Variants in CUL3 observed in about 807,000 individuals in gnomAD.
CUL3 encodes the protein cullin-3.
A neutral mutation model predicts 89.1 loss-of-function variants in CUL3; 19 were observed. The ratio of observed to expected loss-of-function variants is 0.21; its 90% CI spans 0.15 to 0.31. The LOEUF (loss-of-function observed/expected upper bound fraction) is 0.31. Ranked by LOEUF, CUL3 falls within the 10% of genes least tolerant of loss-of-function variation. The probability of loss-of-function intolerance (pLI) is 1.00; values close to 1 mark genes in which losing one functional copy is unlikely to be tolerated. For synonymous variants in CUL3, 351 were observed against 308.4 expected, an observed-to-expected ratio of 1.14 and a Z score of -1.45; for missense variants, 469 against 942.3, an observed-to-expected ratio of 0.50 and a Z score of 6.58.
chr2:224,536,442 A>G (rs1693902946), intron 2 of CUL3, among the ~76,000 whole-genome samples: 1 of 152,166 alleles, frequency 6.6e-6, no homozygotes, highest in Non-Finnish European at 1.5e-5. Flanking sequence ...AGCATTCATC[A>G]TTACCTACTA....
At chr2:224,560,668 ATC>A (rs1379339931) in intron 1 of CUL3, 1 of 152,470 alleles carries the variant, frequency 6.6e-6, no homozygotes, top group African/African-American at 2.4e-5. Flanking sequence ...CACTGCTACT[ATC>A]CTGGTAAAAC....
intron 14 of CUL3, 61 bp from the exon 15 acceptor site, chr2:224,478,406 G>A (rs1266859629): frequency 8.5e-6 from 13 of 1,523,722 alleles, no homozygotes; most frequent in Non-Finnish European, 1.2e-5. Flanking sequence ...TTATAAGCAA[G>A]CTTATTATAA....
Position 224,510,946 on chromosome 2 carries a change from T to C in CUL3, c.883+408A>G, listed in dbSNP as rs903054490. ...GTCACAACTAAATCCCAAAGGAAAG[T>C]CTACAAAAATCTTAAGGTGGAAACT... is the stretch of plus-strand genomic sequence containing the variant. On this transcript the variant is annotated intron_variant, in intron 6 of 15. Coordinates refer to ENST00000264414, the MANE Select transcript of CUL3 (RefSeq NM_003590.5). Among the ~76,000 whole-genome samples, 5 of 152,240 alleles carry C rather than the reference T, an allele frequency of 3.3e-5. No individual in the cohort carries two copies. The South Asian group carries it at 1.0e-3, about 32-fold the overall frequency.
chr2:224,555,621 T>C (rs953576411), intron 2 of CUL3, among the ~76,000 whole-genome samples: 1 of 152,146 alleles, frequency 6.6e-6, no homozygotes, highest in Non-Finnish European at 1.5e-5. Context: ...AATCCACTAA[T>C]CCCTGTAATT....
chr2:224,510,101 A>G (rs1692757912), intron 6 of CUL3, among the ~76,000 whole-genome samples: 1 of 151,944 alleles, frequency 6.6e-6, no homozygotes. Flanking sequence ...GTCTAGGACT[A>G]TTTTCTCACT....
intron 1 of CUL3, among the ~76,000 whole-genome samples, chr2:224,574,440 T>G (rs1307914744): frequency 1.3e-5 from 2 of 152,214 alleles, no homozygotes; most frequent in Non-Finnish European, 2.9e-5. Flanking sequence ...AGTAGTATTC[T>G]CCTCACCTTT....
At chr2:224,538,052 C>T (rs1473959628) in intron 2 of CUL3, among the ~76,000 whole-genome samples, 1 of 152,114 alleles carries the variant, frequency 6.6e-6, no homozygotes, top group Non-Finnish European at 1.5e-5. Flanking sequence ...GCCTTGTTTG[C>T]ATCATACCTC....
intron 2 of CUL3, among the ~76,000 whole-genome samples, chr2:224,541,838 A>G (rs971476736): frequency 6.7e-6 from 1 of 149,266 alleles, no homozygotes; most frequent in African/African-American, 2.5e-5. Context: ...GACATTCTTG[A>G]AAAAAAAAAT....
At chr2:224,540,640 T>C (rs1694068850) in intron 2 of CUL3, among the ~76,000 whole-genome samples, 1 of 152,194 alleles carries the variant, frequency 6.6e-6, no homozygotes, top group Non-Finnish European at 1.5e-5. Flanking sequence ...TTTTATATTA[T>C]TGTAATAATA....
At chr2:224,528,141 C>T (rs867437721) in intron 3 of CUL3, among the ~76,000 whole-genome samples, 1 of 152,000 alleles carries the variant, frequency 6.6e-6, no homozygotes, top group South Asian at 2.1e-4. Flanking sequence ...TGTGGTTTAT[C>T]TATTCTCTTA....
At chr2:224,563,453 C>T (rs1477449657) in intron 1 of CUL3, 3 of 258,992 alleles carry the variant, frequency 1.2e-5, no homozygotes, top group African/African-American at 6.9e-5. Context: ...TGTGTGTGCA[C>T]TTCTTTTCTG....
intron 1 of CUL3, among the ~76,000 whole-genome samples, chr2:224,581,202 C>T (rs1245145842): frequency 6.6e-6 from 1 of 152,076 alleles, no homozygotes; most frequent in South Asian, 2.1e-4. Context: ...CAAGACCAGC[C>T]TGACCAACAT....
intron 3 of CUL3, among the ~76,000 whole-genome samples, chr2:224,518,056 A>T (rs752867826): frequency 6.6e-6 from 1 of 152,236 alleles, no homozygotes; most frequent in Non-Finnish European, 1.5e-5. Context: ...GTAAGTGAAG[A>T]ATATGGAAGA....
intron 2 of CUL3, among the ~76,000 whole-genome samples, chr2:224,539,480 G>A (rs1440267745): frequency 2.0e-5 from 3 of 152,040 alleles, no homozygotes; most frequent in African/African-American, 4.8e-5. Flanking sequence ...GAAAACTTAC[G>A]TCCACACAAA....
At chr2:224,509,095 T>C (rs1692715566) in intron 6 of CUL3, among the ~76,000 whole-genome samples, 3 of 152,352 alleles carry the variant, frequency 2.0e-5, no homozygotes, top group East Asian at 1.9e-4. Context: ...GGCTTCATAA[T>C]GGTGAAGTTG....
Position 224,503,028 on chromosome 2 carries a change from A to G in CUL3, c.1422T>C (p.Phe474=), listed in dbSNP as rs1692451468. Residue 474 remains phenylalanine, a synonymous_variant, in exon 10 of 16, where the codon TTT becomes TTC. Transcript: ENST00000264414. The stretch of plus-strand genomic sequence containing the variant: ...TTGTGTTTGAGATGCTCATATCCCT[A>G]AACATTCCTTCCAGTTTTGACGTGA... ...CQFTSKLEGM[F]RDMSISNTTM... 3.1e-6 allele frequency: 5 copies of G among 1,613,974 alleles called. No homozygotes were observed. Among genetic ancestry groups the G allele is most frequent in the South Asian group, 2.2e-5 (2 of 91,084 alleles).
chr2:224,535,766 A>G, intron 2 of CUL3, 125 bp from the exon 3 acceptor site: 1 of 670,566 alleles, frequency 1.5e-6, no homozygotes. Flanking sequence ...GAAATGTTAT[A>G]GGCTAGTAGA....
At position 224,505,729 on chromosome 2, in the gene CUL3, C is replaced by G. The variant is rs138467184; in HGVS notation, c.1206+227G>C. On this transcript the variant is annotated intron_variant, in intron 8 of 15. Coordinates refer to ENST00000264414, the MANE Select transcript of CUL3 (RefSeq NM_003590.5). ...GGGATTATAGGCATGAGCCACCAAG[C>G]CCATCCAGTTGCTTGTTTTTGAAGC... The G allele has an allele frequency of 3.5e-3, 894 of 251,958 alleles. 5 individuals are homozygous for G. The highest frequency in any genetic ancestry group is 0.019 in the African/African-American group (840 of 44,770). 15.6% of individuals were successfully genotyped at this position (251,958 alleles called of 1,614,324 possible). A position where few individuals can be genotyped will look rare whatever the true frequency, so the allele number is the denominator to read the frequency against.
intron 13 of CUL3, among the ~76,000 whole-genome samples, chr2:224,492,336 T>C (rs1439328321): frequency 6.6e-6 from 1 of 152,196 alleles, no homozygotes; most frequent in Non-Finnish European, 1.5e-5. Flanking sequence ...CCTTTCTATA[T>C]TGTGAAGTTA....
Sources: allele counts gnomAD v4.1 joint callset (sites outside exome capture counted in the v4.1 genomes callset), GRCh38; gene constraint gnomAD v4.1.1; transcripts MANE v1.5; gene names NCBI Gene and HGNC (gene_info 2026-07-23, HGNC 2026-07-21).